Variants in NTM observed in about 807,000 individuals in gnomAD.
NTM encodes neurotrimin.
A neutral mutation model predicts 42.1 loss-of-function variants in NTM; 13 were observed. That is an observed-to-expected ratio of 0.31 (90% CI 0.20 to 0.49). NTM has a LOEUF of 0.49. Among genes scored for constraint, NTM ranks in the 20% least tolerant of loss-of-function variants. The pLI is 0.99. For missense variants in NTM, 373 were observed against 452.8 expected, an observed-to-expected ratio of 0.82 and a Z score of 1.60; for synonymous variants, 187 against 179.2, an observed-to-expected ratio of 1.04 and a Z score of -0.35.
intron 1 of NTM, among the ~76,000 whole-genome samples, chr11:131,393,866 A>G (rs1052912855): frequency 6.6e-6 from 1 of 152,202 alleles, no homozygotes; most frequent in Non-Finnish European, 1.5e-5. Context: ...TTGTTGTGTC[A>G]TTTCCTACCT....
intron 1 of NTM, among the ~76,000 whole-genome samples, chr11:131,456,609 T>C (rs1352210361): frequency 6.6e-6 from 1 of 151,924 alleles, no homozygotes; most frequent in Non-Finnish European, 1.5e-5. Flanking sequence ...CTAAGAGAAA[T>C]GGGACTGAGA....
intron 2 of NTM, among the ~76,000 whole-genome samples, chr11:131,966,975 A>T (rs911515458): frequency 2.0e-5 from 3 of 152,128 alleles, no homozygotes; most frequent in Admixed American, 6.5e-5. Context: ...TACATGTGGG[A>T]TGTGAGGGAA....
At chr11:131,672,187 T>G (rs73583644) in intron 1 of NTM, among the ~76,000 whole-genome samples, 2 of 152,066 alleles carry the variant, frequency 1.3e-5, no homozygotes, top group East Asian at 3.9e-4. Context: ...TGTCCCTCCC[T>G]CCCCACCAGG....
chr11:131,646,458 G>T (rs2065785219), intron 1 of NTM, among the ~76,000 whole-genome samples: 1 of 152,180 alleles, frequency 6.6e-6, no homozygotes, highest in Admixed American at 6.5e-5. Flanking sequence ...ACTAGTATCA[G>T]TTTGAAAAGG....
intron 3 of NTM, 31 bp from the exon 4 acceptor site, chr11:132,211,991 T>C: frequency 6.3e-7 from 1 of 1,599,582 alleles, no homozygotes; most frequent in Non-Finnish European, 8.5e-7. Context: ...TTCAGGAGGA[T>C]TTTTATTTTC....
chr11:131,385,955 G>T (rs1007321544), intron 1 of NTM, among the ~76,000 whole-genome samples: 1 of 152,294 alleles, frequency 6.6e-6, no homozygotes, highest in African/African-American at 2.4e-5. Context: ...ATATGACTCA[G>T]CAATTCTACT....
rs374933221 is a variant in NTM, at chr11:131,935,047, A to G, written c.167+23399A>G. Among the ~76,000 whole-genome samples the G allele has an allele frequency of 1.8e-4, 28 of 152,266 alleles. No homozygotes were observed. In the East Asian group the frequency reaches 5.2e-3, roughly 28 times the overall value. ...GTATTCAGGTGAGGGATAGTGGAAG[A>G]TTTGGCAATGATGGAGGCAGTAACA... On this transcript the variant is annotated intron_variant, in intron 2 of 8. Coordinates refer to ENST00000683400, the MANE Select transcript of NTM (RefSeq NM_001352005.2).
chr11:131,411,120 T>C (rs951935294), intron 1 of NTM, among the ~76,000 whole-genome samples: 1 of 152,204 alleles, frequency 6.6e-6, no homozygotes, highest in African/African-American at 2.4e-5. Context: ...TCCTCGATCA[T>C]TAAAACTCTG....
intron 1 of NTM, among the ~76,000 whole-genome samples, chr11:131,613,750 G>A (rs747675001): frequency 1.6e-4 from 25 of 152,178 alleles, no homozygotes; most frequent in Admixed American, 7.2e-4. Context: ...TGGAGACTCC[G>A]AGAAGTTAAG....
intron 2 of NTM, among the ~76,000 whole-genome samples, chr11:132,095,908 C>T (rs2060922584): frequency 6.6e-6 from 1 of 152,210 alleles, no homozygotes; most frequent in Non-Finnish European, 1.5e-5. Context: ...AGACTCTTCT[C>T]GTGTGTCAGC....
intron 1 of NTM, among the ~76,000 whole-genome samples, chr11:131,522,430 G>C (rs1591924879): frequency 1.3e-5 from 2 of 151,974 alleles, no homozygotes; most frequent in South Asian, 4.2e-4. Context: ...AAATAAAATG[G>C]TCTGCTGAGA....
At chr11:131,500,817 G>A (rs896503491) in intron 1 of NTM, among the ~76,000 whole-genome samples, 3 of 140,244 alleles carry the variant, frequency 2.1e-5, no homozygotes, top group Admixed American at 7.9e-5. Flanking sequence ...TCCCACCTAT[G>A]AGTGAGTGAG....
At chr11:131,703,709 G>A (rs2076296632) in intron 1 of NTM, among the ~76,000 whole-genome samples, 1 of 152,184 alleles carries the variant, frequency 6.6e-6, no homozygotes, top group Admixed American at 6.5e-5. Context: ...ATTGAAGAGA[G>A]TAAGAAGGAG....
chr11:131,637,475 A>C (rs938308907), intron 1 of NTM, among the ~76,000 whole-genome samples: 1 of 151,378 alleles, frequency 6.6e-6, no homozygotes, highest in African/African-American at 2.4e-5. Flanking sequence ...CAGATGGCCC[A>C]CTGTCTAGAT....
intron 3 of NTM, among the ~76,000 whole-genome samples, chr11:132,173,097 C>G (rs140535775): frequency 1.4e-3 from 210 of 152,280 alleles, no homozygotes; most frequent in African/African-American, 4.6e-3. Context: ...ATGTTTGATG[C>G]TAGACATCTA....
At chr11:131,561,136 A>G (rs1237702685) in intron 1 of NTM, among the ~76,000 whole-genome samples, 1 of 152,204 alleles carries the variant, frequency 6.6e-6, no homozygotes, top group Non-Finnish European at 1.5e-5. Flanking sequence ...GAAATGGGTT[A>G]TTTCGGTGGC....
At chr11:132,044,108 G>GTATGTATA (rs1236917203) in intron 2 of NTM, among the ~76,000 whole-genome samples, 2 of 131,300 alleles carry the variant, frequency 1.5e-5, no homozygotes, top group African/African-American at 5.3e-5. Context: ...GTATATGTGT[G>GTATGTATA]TATGTGTATG....
chr11:131,511,434 C>G (rs2048234752), intron 1 of NTM, among the ~76,000 whole-genome samples: 1 of 152,150 alleles, frequency 6.6e-6, no homozygotes, highest in African/African-American at 2.4e-5. Context: ...GGGATTCATG[C>G]TATTACCCTG....
At chr11:132,066,614 T>A (rs1272274050) in intron 2 of NTM, among the ~76,000 whole-genome samples, 4 of 152,154 alleles carry the variant, frequency 2.6e-5, no homozygotes, top group Non-Finnish European at 4.4e-5. Flanking sequence ...GGGGATAATC[T>A]ATTTCTCATC....
Sources: allele counts gnomAD v4.1 joint callset (sites outside exome capture counted in the v4.1 genomes callset), GRCh38; gene constraint gnomAD v4.1.1; transcripts MANE v1.5; gene names NCBI Gene and HGNC (gene_info 2026-07-23, HGNC 2026-07-21).